PRDM15: variants seen among roughly 807,000 people sequenced by gnomAD.
PRDM15 encodes the protein PR domain zinc finger protein 15.
In PRDM15, 64 loss-of-function variants were observed where a neutral mutation model predicts 128.6. The observed-to-expected ratio is 0.50, with a 90% CI of 0.41 to 0.61. The LOEUF is 0.61. Among genes scored for constraint, PRDM15 ranks in the 20% least tolerant of loss-of-function variants. The probability of loss-of-function intolerance (pLI) is 0.00; values close to 1 mark genes in which losing one functional copy is unlikely to be tolerated. For synonymous variants in PRDM15, 615 were observed against 621.8 expected, an observed-to-expected ratio of 0.99 and a Z score of 0.16; for missense variants, 1,242 against 1,569.1, an observed-to-expected ratio of 0.79 and a Z score of 3.52.
chr21:41,810,506 C>A lies in PRDM15; in HGVS notation c.2477-177G>T. The A allele has an allele frequency of 1.4e-6, 1 of 692,112 alleles. No individual in the cohort carries two copies. The highest frequency in any genetic ancestry group is 1.8e-5 in the African/African-American group (1 of 55,782). 42.9% of individuals were successfully genotyped at this position (692,112 alleles called of 1,614,324 possible). On this transcript the variant is annotated intron_variant, in intron 20 of 23. Transcript: ENST00000398548. The surrounding 1 kb of genome is among the most constrained non-coding windows in gnomAD (Gnocchi z 6.4). ...CACACATGAGCACAGAGCCTCTGTC[C>A]CTTGGGGAGCACTGCCAGCAGCAGC...
In PRDM15 at chr21:41,854,178, TGCTGGACAG is replaced by T. The variant is rs1396901842; in HGVS notation, c.538+379_538+387del. On this transcript the variant is annotated intron_variant, in intron 5 of 23. Transcript: ENST00000398548. The surrounding 1 kb of genome is among the most constrained non-coding windows in gnomAD (Gnocchi z 4.6). ...GCCCACAGCATGCAGTACAGTCACA[TGCTGGACAG>T]GCTGGTAGCTAGAACAGGCTACACC... Among the ~76,000 whole-genome samples, 1 of 152,220 alleles carries T rather than the reference TGCTGGACAG, an allele frequency of 6.6e-6. No individual in the cohort carries two copies. The highest frequency in any genetic ancestry group is 1.5e-5 in the Non-Finnish European group (1 of 68,038).
intron 1 of PRDM15, among the ~76,000 whole-genome samples, chr21:41,873,823 T>C (rs907048814): frequency 2.6e-5 from 4 of 152,102 alleles, no homozygotes; most frequent in African/African-American, 4.8e-5. Flanking sequence ...GGTGGGAGGA[T>C]TGCTGAAGCC....
chr21:41,872,715 A>C (rs1016040060), intron 1 of PRDM15, among the ~76,000 whole-genome samples: 3 of 152,156 alleles, frequency 2.0e-5, no homozygotes, highest in Non-Finnish European at 4.4e-5. Flanking sequence ...TGTGCGGGCC[A>C]GAGGTGGTGG....
Position 41,805,994 on chromosome 21 carries a change from C to CCACCACCACCATCACCACCATCACCAT in PRDM15, c.2653-1381_2653-1380insATGGTGATGGTGGTGATGGTGGTGGTG, listed in dbSNP as rs1568879356. Among the ~76,000 whole-genome samples, 691 of 80,778 alleles carry CCACCACCACCATCACCACCATCACCAT rather than the reference C, an allele frequency of 8.6e-3. 64 individuals are homozygous for CCACCACCACCATCACCACCATCACCAT. The highest frequency in any genetic ancestry group is 0.018 in the Admixed American group (136 of 7,588). 53.0% of individuals were successfully genotyped at this position (80,778 alleles called of 152,430 possible). ...GCCATTCCTATCACCACTATCACCA[C>CCACCACCACCATCACCACCATCACCAT]CACCACCACCATCACCACCACCATC... On this transcript the variant is annotated intron_variant, in intron 21 of 23. Transcript: ENST00000398548.
chr21:41,804,112 C>T (rs546644505), intron 22 of PRDM15, among the ~76,000 whole-genome samples: 21 of 152,092 alleles, frequency 1.4e-4, no homozygotes, highest in Admixed American at 1.2e-3. Flanking sequence ...TACAGGCGTG[C>T]ACTACCACAT....
In PRDM15 at chr21:41,835,591, C is replaced by T. The variant is rs888343590; in HGVS notation, c.1279-67G>A. The T allele has an allele frequency of 2.8e-5, 38 of 1,369,632 alleles. No individual in the cohort carries two copies. In the South Asian group the frequency reaches 2.8e-4, roughly 10 times the overall value. The allele number at this position is 1,369,632 out of a possible 1,614,324, so 84.8% of individuals were successfully genotyped here. ...GAGTCCACAGATGCCGAGCCCCCGA[C>T]GTGCTGCCCGGGCGACTCCACGCCT... On this transcript the variant is annotated intron_variant, in intron 10 of 23. Coordinates refer to ENST00000398548, the MANE Select transcript of PRDM15 (RefSeq NM_001040424.3).
chr21:41,843,095 GTTTT>G (rs1000721182), intron 6 of PRDM15, among the ~76,000 whole-genome samples: 3 of 151,022 alleles, frequency 2.0e-5, no homozygotes, highest in Non-Finnish European at 3.0e-5. Flanking sequence ...TGATTTTTTT[GTTTT>G]TTTGTTTGTT....
Position 41,854,550 on chromosome 21 carries a change from G to T in PRDM15, c.538+16C>A. 6.2e-7 allele frequency: 1 copy of T among 1,611,078 alleles called. No homozygotes were observed. On this transcript the variant is annotated intron_variant, in intron 5 of 23. Coordinates refer to ENST00000398548, the MANE Select transcript of PRDM15 (RefSeq NM_001040424.3). This position sits in a 1 kb window ranked among gnomAD's most constrained non-coding sequence, Gnocchi z 4.6. ...CACAAGGGAAGGTGGGCTCCGGATC[G>T]GGGGCCGCCACATACCGTGGACGCC...
At chr21:41,850,328 G>A (rs374741418) in intron 5 of PRDM15, among the ~76,000 whole-genome samples, 1 of 139,012 alleles carries the variant, frequency 7.2e-6, no homozygotes, top group African/African-American at 2.6e-5. Context: ...TCTCCTCCTG[G>A]GCCTCATGCT....
intron 4 of PRDM15, among the ~76,000 whole-genome samples, chr21:41,855,642 C>G (rs2063557381): frequency 6.6e-6 from 1 of 152,216 alleles, no homozygotes. Context: ...CACAGAGGAG[C>G]TGAACGCTGG....
In PRDM15 at chr21:41,804,520, C is replaced by T. The variant is rs2061503303; in HGVS notation, c.2733+14G>A. 3.2e-6 allele frequency: 5 copies of T among 1,556,558 alleles called. No individual in the cohort carries two copies. Among genetic ancestry groups the T allele is most frequent in the Non-Finnish European group, 3.5e-6 (4 of 1,149,212 alleles). On this transcript the variant is annotated intron_variant, in intron 22 of 23. Coordinates refer to ENST00000398548, the MANE Select transcript of PRDM15 (RefSeq NM_001040424.3). ...CCCAAAGTTTCTGAGCCCCTGGGGCCCCATGCTGCTCACCTGGACGATGCC... is the reference window on the plus strand; with the variant it reads ...CCCAAAGTTTCTGAGCCCCTGGGGCTCCATGCTGCTCACCTGGACGATGCC...
chr21:41,839,755 C>A lies in PRDM15; in HGVS notation c.739G>T (p.Glu247Ter). The change falls in exon 7 of 24, where the codon GAA becomes TAA. Residue 247 changes from glutamate (E) to a stop codon, truncating the protein, a stop_gained. Coordinates refer to ENST00000398548, the MANE Select transcript of PRDM15 (RefSeq NM_001040424.3). LOFTEE classifies it high-confidence loss of function. The part of the protein sequence containing the change: ...PEKEQDTPRG[E>*]PPAVPESENV... ...TCGCTCTCGGGCACTGCAGGGGGTT[C>A]CCCCCGGGGTGTGTCCTGCTCCTTC... 6.2e-7 allele frequency: 1 copy of A among 1,614,152 alleles called. No homozygotes were observed. Among genetic ancestry groups the A allele is most frequent in the South Asian group, 1.1e-5 (1 of 91,084 alleles).
intron 21 of PRDM15, among the ~76,000 whole-genome samples, chr21:41,806,947 AT>A (rs2061698027): frequency 1.5e-5 from 2 of 133,628 alleles, no homozygotes; most frequent in Non-Finnish European, 3.5e-5. Context: ...CACCACCACC[AT>A]CTCCACCACC....
At chr21:41,804,637 G>C (rs1168091769) in intron 21 of PRDM15, 23 bp from the exon 22 acceptor site, 1 of 1,531,286 alleles carries the variant, frequency 6.5e-7, no homozygotes, top group Admixed American at 2.0e-5. Flanking sequence ...CAGGGCATGA[G>C]CTGGGGGTCA....
chr21:41,809,388 A>G (rs1797103884), intron 21 of PRDM15, among the ~76,000 whole-genome samples: 1 of 151,858 alleles, frequency 6.6e-6, no homozygotes, highest in African/African-American at 2.4e-5. Context: ...GCCCACCACC[A>G]TGCCCAGCTA....
chr21:41,857,139 C>T (rs1400050019), intron 4 of PRDM15, 37 bp downstream of exon 4: 1 of 1,586,730 alleles, frequency 6.3e-7, no homozygotes, highest in South Asian at 1.1e-5. Flanking sequence ...CAGAAAAACA[C>T]CCAGTTCCTG....
At chr21:41,864,729 T>C (rs2063939678) in intron 1 of PRDM15, among the ~76,000 whole-genome samples, 1 of 152,066 alleles carries the variant, frequency 6.6e-6, no homozygotes, top group Non-Finnish European at 1.5e-5. Context: ...GCCAACCCAT[T>C]TTCCACACTG....
At chr21:41,833,382 A>AGTGACCCATCCCTCT (rs2062762095) in intron 11 of PRDM15, among the ~76,000 whole-genome samples, 1 of 152,188 alleles carries the variant, frequency 6.6e-6, no homozygotes, top group Non-Finnish European at 1.5e-5. Context: ...CAAAGGCAAC[A>AGTGACCCATCCCTCT]GTGACCCATC....
intron 18 of PRDM15, among the ~76,000 whole-genome samples, chr21:41,818,973 C>T (rs1011023789): frequency 7.1e-4 from 108 of 152,282 alleles, no homozygotes; most frequent in African/African-American, 2.5e-3. Context: ...GTAGTGAATA[C>T]GCTGAGGGTT....
Sources: allele counts gnomAD v4.1 joint callset (sites outside exome capture counted in the v4.1 genomes callset), GRCh38; gene constraint gnomAD v4.1.1; non-coding constraint Gnocchi (gnomAD v3.1); transcripts MANE v1.5; gene names NCBI Gene and HGNC (gene_info 2026-07-23, HGNC 2026-07-21).